Variants in IFT172 observed in about 807,000 individuals in gnomAD.
IFT172 encodes intraflagellar transport 172.
Under a neutral mutation model 248.9 loss-of-function variants are expected in IFT172, and 164 were observed. The ratio of observed to expected loss-of-function variants is 0.66; its 90% confidence interval spans 0.58 to 0.75. The LOEUF is 0.75. Ranked by LOEUF, IFT172 falls within the 30% of genes least tolerant of loss-of-function variation. The probability of loss-of-function intolerance (pLI) is 0.00; values close to 1 mark genes in which losing one functional copy is unlikely to be tolerated. For missense variants in IFT172, 1,950 were observed against 2,192.4 expected, an observed-to-expected ratio of 0.89 and a Z score of 2.21; for synonymous variants, 729 against 791.6, an observed-to-expected ratio of 0.92 and a Z score of 1.33.
In IFT172 at chr2:27,477,277, T is replaced by C; in HGVS notation, c.1265A>G (p.Tyr422Cys). 3 of 1,614,156 alleles carry C rather than the reference T, an allele frequency of 1.9e-6. No individual in the cohort carries two copies. The highest frequency in any genetic ancestry group is 1.7e-6 in the Non-Finnish European group (2 of 1,180,024). The change falls in exon 13 of 48, where the codon TAT (tyrosine) becomes TGT (cysteine). Residue 422 changes from tyrosine (Y) to cysteine (C), a missense_variant. This residue lies in a region of IFT172 where 1,166 missense variants were observed against 1,254.1 expected (regional missense o/e 0.93). Transcript: ENST00000260570. The part of the protein sequence containing the change: ...FNAGELTLVE[Y>C]GNNDTLGSVR... ...AGAACCCAGGGTGTCATTATTCCCATATTCCACCAGGGTTAGCTCTCCGGC... is the reference window on the plus strand; with the variant it reads ...AGAACCCAGGGTGTCATTATTCCCACATTCCACCAGGGTTAGCTCTCCGGC...
intron 1 of IFT172, 41 bp from the exon 2 acceptor site, chr2:27,485,544 C>G: frequency 6.2e-7 from 1 of 1,608,168 alleles, no homozygotes; most frequent in African/African-American, 1.3e-5. Context: ...ATGTGCTGGT[C>G]TAGAATGCCA....
intron 1 of IFT172, 80 bp from the exon 2 acceptor site, chr2:27,485,583 T>C (rs980079146): frequency 3.9e-5 from 59 of 1,502,406 alleles, no homozygotes; most frequent in Non-Finnish European, 5.2e-5. Context: ...TTAATTCTAG[T>C]GTAATACTGG....
rs1410532923 is a variant in IFT172 at position 27,470,914 on chromosome 2, A to G, written c.1692+14T>C. 1 of 1,571,706 alleles carries G rather than the reference A, an allele frequency of 6.4e-7. No homozygotes were observed. Among genetic ancestry groups the G allele is most frequent in the Non-Finnish European group, 8.6e-7 (1 of 1,162,202 alleles). Reference sequence around the variant, plus strand: ...CTCAATACCACATCTGAGGGCCCCTAGTGTCCAACATACCCTAATAGTGAA... The same window carrying G: ...CTCAATACCACATCTGAGGGCCCCTGGTGTCCAACATACCCTAATAGTGAA... On this transcript the variant is annotated intron_variant, in intron 16 of 47. Coordinates refer to ENST00000260570, the MANE Select transcript of IFT172 (RefSeq NM_015662.3).
At chr2:27,457,323 A>G (rs1666239406) in intron 29 of IFT172, among the ~76,000 whole-genome samples, 1 of 152,140 alleles carries the variant, frequency 6.6e-6, no homozygotes, top group Non-Finnish European at 1.5e-5. Flanking sequence ...TAATCCCAAC[A>G]CTTTGGGAGG....
intron 16 of IFT172, 135 bp from the exon 17 acceptor site, chr2:27,466,017 T>C (rs933956758): frequency 3.9e-5 from 39 of 1,006,328 alleles, no homozygotes; most frequent in Middle Eastern, 4.4e-4. Context: ...CCTAACATTT[T>C]AGTTTCTCTC....
intron 39 of IFT172, 21 bp downstream of exon 39, chr2:27,449,273 G>A (rs772919880): frequency 1.3e-5 from 21 of 1,613,606 alleles, no homozygotes; most frequent in Non-Finnish European, 1.8e-5. Flanking sequence ...AGAAAAACTG[G>A]GAATGGGAAG....
chr2:27,460,097 T>A (rs1317679587), intron 23 of IFT172, among the ~76,000 whole-genome samples: 1 of 151,414 alleles, frequency 6.6e-6, no homozygotes, highest in East Asian at 1.9e-4. Flanking sequence ...ATTCTGTTAA[T>A]CTATAACCTT....
chr2:27,453,854 T>C (rs1206092165), intron 33 of IFT172, 115 bp from the exon 34 acceptor site: 1 of 1,380,726 alleles, frequency 7.2e-7, no homozygotes, highest in South Asian at 1.3e-5. Context: ...TCTCCTCCTC[T>C]TTCCTGTCTT....
intron 35 of IFT172, chr2:27,453,103 C>T (rs1665830821): frequency 2.0e-6 from 1 of 512,094 alleles, no homozygotes; most frequent in South Asian, 1.7e-5. Flanking sequence ...CTGAACTCTA[C>T]TTTAAATCAT....
chr2:27,446,412 C>A, intron 42 of IFT172, 57 bp from the exon 43 acceptor site: 1 of 1,464,464 alleles, frequency 6.8e-7, no homozygotes. Context: ...AGCTACCAGA[C>A]CAATGATCCT....
intron 42 of IFT172, among the ~76,000 whole-genome samples, chr2:27,446,793 G>A (rs1429929792): frequency 1.4e-5 from 2 of 143,588 alleles, no homozygotes; most frequent in East Asian, 2.1e-4. Context: ...TCCGCTTCCC[G>A]GGTTCACGCC....
intron 14 of IFT172, among the ~76,000 whole-genome samples, chr2:27,476,150 T>C (rs2148540069): frequency 6.6e-6 from 1 of 152,288 alleles, no homozygotes; most frequent in East Asian, 1.9e-4. Flanking sequence ...AGTCTATGAT[T>C]CTATGAAGTG....
chr2:27,463,093 T>C lies in IFT172; in HGVS notation c.2022+4A>G, dbSNP rs763114125. ...ACAGAATGAATCAGGAGCATAATACTTGCATATTCCCGGGATACTTGATCT... is the reference window on the plus strand; with the variant it reads ...ACAGAATGAATCAGGAGCATAATACCTGCATATTCCCGGGATACTTGATCT... On this transcript the variant is annotated splice_donor_region_variant and intron_variant, in intron 19 of 47. Coordinates refer to ENST00000260570, the MANE Select transcript of IFT172 (RefSeq NM_015662.3). The C allele has an allele frequency of 6.2e-7, 1 of 1,613,804 alleles. No homozygotes were observed. The highest frequency in any genetic ancestry group is 2.2e-5 in the East Asian group (1 of 44,878).
chr2:27,467,418 GAAAAAAAAAAAAAAAAAAAAA>G (rs34115935), intron 16 of IFT172, among the ~76,000 whole-genome samples: 3 of 16,426 alleles, frequency 1.8e-4, no homozygotes, highest in Admixed American at 9.7e-4. Flanking sequence ...ACAGAAAATT[GAAAAAAAAAAAAAAAAAAAAA>G]AAAAAAAAAA....
At position 27,465,502 on chromosome 2, in the gene IFT172, C is replaced by A. The variant is rs1667018126; in HGVS notation, c.1846G>T (p.Glu616Ter). The A allele has an allele frequency of 6.2e-7, 1 of 1,613,966 alleles. No individual in the cohort carries two copies. The highest frequency in any genetic ancestry group is 1.3e-5 in the African/African-American group (1 of 74,870). The change falls in exon 18 of 48, where the codon GAG (glutamate) becomes TAG (stop). Residue 616 changes from glutamate (E) to a stop codon, truncating the protein, a stop_gained. Coordinates refer to ENST00000260570, the MANE Select transcript of IFT172 (RefSeq NM_015662.3). LOFTEE classifies it high-confidence loss of function. Reference sequence around the variant, plus strand: ...GTTTCTGGGGTCATTTCCAGAGTCTCTAAGAAGGCTGTTGCCCTGGAAAGG... The same window carrying A: ...GTTTCTGGGGTCATTTCCAGAGTCTATAAGAAGGCTGTTGCCCTGGAAAGG... ...GNYIRATAFL[E>*]TLEMTPETEA...
chr2:27,449,397 C>A lies in IFT172; in HGVS notation c.4225-17G>T. 6.2e-7 allele frequency: 1 copy of A among 1,614,110 alleles called. No homozygotes were observed. Among genetic ancestry groups the A allele is most frequent in the Non-Finnish European group, 8.5e-7 (1 of 1,180,032 alleles). ...ACCCACCAGCTGGGTCAATGGAAGA[C>A]AGAGTTACAAGAGAAAAGAGATGAC... On this transcript the variant is annotated splice_polypyrimidine_tract_variant and intron_variant, in intron 38 of 47. Coordinates refer to ENST00000260570, the MANE Select transcript of IFT172 (RefSeq NM_015662.3).
chr2:27,444,627 C>A, intron 47 of IFT172, 106 bp from the exon 48 acceptor site: 1 of 835,184 alleles, frequency 1.2e-6, no homozygotes, highest in East Asian at 2.6e-5. Context: ...GTAATCCCAC[C>A]CATCTTTCTA....
In IFT172 at chr2:27,459,169, C is replaced by T. The variant is rs1216885018; in HGVS notation, c.2787+209G>A. ...TGACTGGAACACAGCTAGAGACTCA[C>T]TTTATATATCTGGGGTGAAGGGCGA... is the stretch of plus-strand genomic sequence containing the variant. On this transcript the variant is annotated intron_variant, in intron 25 of 47. Coordinates refer to ENST00000260570, the MANE Select transcript of IFT172 (RefSeq NM_015662.3). 3 of 644,624 alleles carry T rather than the reference C, an allele frequency of 4.7e-6. No homozygotes were observed. In the African/African-American group the frequency reaches 5.5e-5, roughly 12 times the overall value. The allele number at this position is 644,624 out of a possible 1,614,324, so 39.9% of individuals were successfully genotyped here.
chr2:27,476,589 T>G (rs1667968782), intron 14 of IFT172, 52 bp downstream of exon 14: 3 of 1,101,742 alleles, frequency 2.7e-6, no homozygotes, highest in Non-Finnish European at 4.1e-6. Context: ...GGTATGGAAG[T>G]GTGATATAAA....
Sources: allele counts gnomAD v4.1 joint callset (sites outside exome capture counted in the v4.1 genomes callset), GRCh38; gene constraint gnomAD v4.1.1; regional missense constraint gnomAD v4.1.1; transcripts MANE v1.5; gene names NCBI Gene and HGNC (gene_info 2026-07-23, HGNC 2026-07-21).